The following BRIP1 variants were observed in gnomAD, a reference collection of about 807,000 sequenced individuals.
BRIP1 encodes the protein BRCA1 interacting DNA helicase 1.
BRIP1 carries 88 observed loss-of-function variants against 119.7 expected under a neutral mutation model. The observed-to-expected ratio is 0.74, with a 90% CI of 0.62 to 0.88. The LOEUF (loss-of-function observed/expected upper bound fraction) is 0.88, where lower values mean the gene tolerates loss of function less well. Ranked by LOEUF, BRIP1 falls within the 40% of genes least tolerant of loss-of-function variation. The probability of loss-of-function intolerance (pLI) is 0.00; values close to 1 mark genes in which losing one functional copy is unlikely to be tolerated. For synonymous variants in BRIP1, 443 were observed against 496.5 expected, an observed-to-expected ratio of 0.89 and a Z score of 1.43; for missense variants, 1,259 against 1,455.4, an observed-to-expected ratio of 0.87 and a Z score of 2.20.
At chr17:61,765,064 T>C (rs2077331531) in intron 14 of BRIP1, among the ~76,000 whole-genome samples, 1 of 151,726 alleles carries the variant, frequency 6.6e-6, no homozygotes, top group African/African-American at 2.4e-5. Flanking sequence ...CACCTCGAGA[T>C]GATGGAGCAA....
Position 61,690,660 on chromosome 17 carries a change from C to G in BRIP1, c.2575+2770G>C, listed in dbSNP as rs2061434226. Among the ~76,000 whole-genome samples, 1 of 152,158 alleles carries G rather than the reference C, an allele frequency of 6.6e-6. No homozygotes were observed. Among genetic ancestry groups the G allele is most frequent in the Non-Finnish European group, 1.5e-5 (1 of 68,022 alleles). ...GCAAGGATGTTCATTCTCACTACTT[C>G]TATTTAGCTTAGTACTAAGAATCCT... is the stretch of plus-strand genomic sequence containing the variant. On this transcript the variant is annotated intron_variant, in intron 18 of 19. Coordinates refer to ENST00000259008, the MANE Select transcript of BRIP1 (RefSeq NM_032043.3). The surrounding 1 kb of genome is among the most constrained non-coding windows in gnomAD (Gnocchi z 5.6).
chr17:61,797,936 A>G (rs1324339165), intron 9 of BRIP1, among the ~76,000 whole-genome samples: 2 of 152,062 alleles, frequency 1.3e-5, no homozygotes, highest in Non-Finnish European at 2.9e-5. Flanking sequence ...CATTGCTGGT[A>G]GAAGCATACA....
In BRIP1 at chr17:61,806,242, CTATT is replaced by C. The variant is rs1274619200; in HGVS notation, c.918+2221_918+2224del. ...CACTTCCATTCAAACTGTCAGTTAT[CTATT>C]TATCATTTCGCTTTGGTAATTCAGT... On this transcript the variant is annotated intron_variant, in intron 7 of 19. Coordinates refer to ENST00000259008, the MANE Select transcript of BRIP1 (RefSeq NM_032043.3). This position sits in a 1 kb window ranked among gnomAD's most constrained non-coding sequence, Gnocchi z 4.9. Among the ~76,000 whole-genome samples, 1 of 152,194 alleles carries C rather than the reference CTATT, an allele frequency of 6.6e-6. No homozygotes were observed. The highest frequency in any genetic ancestry group is 6.5e-5 in the Admixed American group (1 of 15,280).
In BRIP1 at chr17:61,725,379, G is replaced by A. The variant is rs756972291; in HGVS notation, c.2380-9316C>T. Among the ~76,000 whole-genome samples, 24 of 151,944 alleles carry A rather than the reference G, an allele frequency of 1.6e-4. No homozygotes were observed. The highest frequency in any genetic ancestry group is 1.6e-3 in the Admixed American group (24 of 15,252). On this transcript the variant is annotated intron_variant, in intron 16 of 19. Coordinates refer to ENST00000259008, the MANE Select transcript of BRIP1 (RefSeq NM_032043.3). The surrounding 1 kb of genome is among the most constrained non-coding windows in gnomAD (Gnocchi z 5.3). ...TGTTTTGGATAAGGTGCTTTTTTTG[G>A]TAGAGAAATCTATATTAAACTTAGT... is the stretch of plus-strand genomic sequence containing the variant.
chr17:61,696,653 C>T (rs975222336), intron 17 of BRIP1, among the ~76,000 whole-genome samples: 1 of 148,654 alleles, frequency 6.7e-6, no homozygotes, highest in Non-Finnish European at 1.5e-5. Flanking sequence ...CCACTGCATT[C>T]CAGCCTGAGT....
rs2145421198 is a variant in BRIP1, at chr17:61,808,699, G to A, written c.686C>T (p.Ser229Leu). ...ATGATCCTTCTTAATGGTATTCGAT[G>A]ACTCTTGACTGTTTCCTTGTTTAGT... Reference protein sequence around the residue: ...CSTKQGNSQESSNTIKKDHTG... With the variant: ...CSTKQGNSQELSNTIKKDHTG... Residue 229 changes from serine (S) to leucine (L), a missense_variant, in exon 7 of 20, where the codon TCA (serine) becomes TTA (leucine). Physicochemically the swap from Ser to Leu is moderately radical, Grantham distance 145 (BLOSUM62 -2). Around this residue, in one of 3 missense-constraint regions of BRIP1, gnomAD observed 501 missense variants for 544.0 expected, o/e 0.92. Coordinates refer to ENST00000259008, the MANE Select transcript of BRIP1 (RefSeq NM_032043.3). The surrounding 1 kb of genome is among the most constrained non-coding windows in gnomAD (Gnocchi z 4.1). 6.2e-7 allele frequency: 1 copy of A among 1,613,810 alleles called. No individual in the cohort carries two copies. Among genetic ancestry groups the A allele is most frequent in the Non-Finnish European group, 8.5e-7 (1 of 1,179,872 alleles).
At position 61,765,411 on chromosome 17, in the gene BRIP1, ATATATATATATATTTTTTTTTTTTTTTT is replaced by A. The variant is rs1567798997; in HGVS notation, c.2097+10962_2097+10989del. ...TATATATATATATATATATATATAT[ATATATATATATATTTTTTTTTTTTTTTT>A]TTTTTTTTTTTTTTGAGACAGAGTT... On this transcript the variant is annotated intron_variant, in intron 14 of 19. Transcript: ENST00000259008. Among the ~76,000 whole-genome samples, 29 of 14,234 alleles carry A rather than the reference ATATATATATATATTTTTTTTTTTTTTTT, an allele frequency of 2.0e-3. 1 individual carries two copies. The highest frequency in any genetic ancestry group is 9.3e-3 in the African/African-American group (27 of 2,914). 9.3% of individuals were successfully genotyped at this position (14,234 alleles called of 152,430 possible). A position where few individuals can be genotyped will look rare whatever the true frequency, so the allele number is the denominator to read the frequency against.
intron 14 of BRIP1, among the ~76,000 whole-genome samples, chr17:61,766,782 CGAA>C (rs994803149): frequency 6.6e-6 from 1 of 151,646 alleles, no homozygotes; most frequent in Non-Finnish European, 1.5e-5. Context: ...TTTTTTAAGT[CGAA>C]GTCTGTATTG....
At position 61,802,669 on chromosome 17, in the gene BRIP1, A is replaced by ATATG. The variant is rs2145355847; in HGVS notation, c.919-1196_919-1195insCATA. On this transcript the variant is annotated intron_variant, in intron 7 of 19. Transcript: ENST00000259008. This position sits in a 1 kb window ranked among gnomAD's most constrained non-coding sequence, Gnocchi z 6.0. Reference sequence around the variant, plus strand: ...TATGTACATTGAATTAATGTGCCATAGCTGATGAACCAGTTTTCTTATTAC... The same window carrying ATATG: ...TATGTACATTGAATTAATGTGCCATATATGGCTGATGAACCAGTTTTCTTATTAC... 6.6e-6 allele frequency among the ~76,000 whole-genome samples: 1 copy of ATATG among 152,328 alleles called. No homozygotes were observed. Among genetic ancestry groups the ATATG allele is most frequent in the South Asian group, 2.1e-4 (1 of 4,828 alleles).
intron 14 of BRIP1, among the ~76,000 whole-genome samples, chr17:61,765,576 C>T (rs1449353877): frequency 3.4e-5 from 5 of 148,772 alleles, no homozygotes; most frequent in African/African-American, 1.2e-4. Flanking sequence ...GCAGGGATTA[C>T]AGGCATGTGC....
At chr17:61,836,468 T>C (rs1374228427) in intron 6 of BRIP1, among the ~76,000 whole-genome samples, 1 of 152,174 alleles carries the variant, frequency 6.6e-6, no homozygotes, top group African/African-American at 2.4e-5. Context: ...AATACTGTCA[T>C]ACCCTCTTAG....
chr17:61,803,637 A>G lies in BRIP1; in HGVS notation c.919-2163T>C, dbSNP rs1364131076. Among the ~76,000 whole-genome samples, 1 of 152,120 alleles carries G rather than the reference A, an allele frequency of 6.6e-6. No homozygotes were observed. The highest frequency in any genetic ancestry group is 1.5e-5 in the Non-Finnish European group (1 of 68,010). ...GATCCTGTCTCAAAAAAAAATACTC[A>G]TTATGTGCATTAATAAAAAAATAAA... On this transcript the variant is annotated intron_variant, in intron 7 of 19. Coordinates refer to ENST00000259008, the MANE Select transcript of BRIP1 (RefSeq NM_032043.3). The surrounding 1 kb of genome is among the most constrained non-coding windows in gnomAD (Gnocchi z 4.3).
chr17:61,774,789 TAC>T lies in BRIP1; in HGVS notation c.2097+1610_2097+1611del, dbSNP rs971919893. 6.6e-6 allele frequency among the ~76,000 whole-genome samples: 1 copy of T among 152,180 alleles called. No individual in the cohort carries two copies. The highest frequency in any genetic ancestry group is 1.5e-5 in the Non-Finnish European group (1 of 68,028). ...AATCTATTCATTTTGCTAATATATA[TAC>T]AGTCACTAAAAAGTTATTTCAATGT... On this transcript the variant is annotated intron_variant, in intron 14 of 19. Coordinates refer to ENST00000259008, the MANE Select transcript of BRIP1 (RefSeq NM_032043.3). This position sits in a 1 kb window ranked among gnomAD's most constrained non-coding sequence, Gnocchi z 5.8.
rs188506922 is a variant in BRIP1, at chr17:61,758,919, G to A, written c.2098-14328C>T. ...ACCAGCTACTCAGGAGGCTGAGGTT[G>A]ATCCCTTCAACCCAGGAGTTCAAGG... On this transcript the variant is annotated intron_variant, in intron 14 of 19. Coordinates refer to ENST00000259008, the MANE Select transcript of BRIP1 (RefSeq NM_032043.3). The surrounding 1 kb of genome is among the most constrained non-coding windows in gnomAD (Gnocchi z 5.3). Among the ~76,000 whole-genome samples, 212 of 151,930 alleles carry A rather than the reference G, an allele frequency of 1.4e-3. No homozygotes were observed. The highest frequency in any genetic ancestry group is 4.9e-3 in the African/African-American group (203 of 41,412).
chr17:61,799,330 AT>A lies in BRIP1; in HGVS notation c.1141-32del, dbSNP rs776577561. ...AGATAAAAGAATTTTCTTGTAAAACATTTGGCAAAATAGATTTAACAACAGC... is the reference window on the plus strand; with the variant it reads ...AGATAAAAGAATTTTCTTGTAAAACATTGGCAAAATAGATTTAACAACAGC... On this transcript the variant is annotated intron_variant, in intron 8 of 19. Transcript: ENST00000259008. The surrounding 1 kb of genome is among the most constrained non-coding windows in gnomAD (Gnocchi z 5.1). 7.1e-6 allele frequency: 11 copies of A among 1,550,658 alleles called. No individual in the cohort carries two copies. The Admixed American group carries it at 1.0e-4, about 14-fold the overall frequency.
Position 61,780,981 on chromosome 17 carries a change from C to T in BRIP1, c.1653G>A (p.Ala551=), listed in dbSNP as rs750213758. 10 of 1,613,850 alleles carry T rather than the reference C, an allele frequency of 6.2e-6. No homozygotes were observed. The highest frequency in any genetic ancestry group is 1.1e-5 in the South Asian group (1 of 91,040). ...NSRFADDYKI[A]IQQTYSWTNQ... ...TTGTCCAGGAGTAAGTCTGTTGAAT[C>T]GCAATTTTATAATCATCTGCAAATC... The change falls in exon 12 of 20, where the codon GCG becomes GCA. Residue 551 remains alanine (A), a synonymous_variant. Coordinates refer to ENST00000259008, the MANE Select transcript of BRIP1 (RefSeq NM_032043.3). The surrounding 1 kb of genome is among the most constrained non-coding windows in gnomAD (Gnocchi z 5.4).
Position 61,793,754 on chromosome 17 carries a change from T to G in BRIP1, c.1341-25A>C. The G allele has an allele frequency of 6.2e-7, 1 of 1,601,452 alleles. No homozygotes were observed. The highest frequency in any genetic ancestry group is 2.2e-5 in the East Asian group (1 of 44,658). On this transcript the variant is annotated intron_variant, in intron 9 of 19. Coordinates refer to ENST00000259008, the MANE Select transcript of BRIP1 (RefSeq NM_032043.3). This position sits in a 1 kb window ranked among gnomAD's most constrained non-coding sequence, Gnocchi z 5.2. ...ACTGAAATAAAATAAAACAATTGTG[T>G]CAACCAGTATCATCCTTACACACAC...
At position 61,686,136 on chromosome 17, in the gene BRIP1, G is replaced by C. The variant is rs1060501766; in HGVS notation, c.2605C>G (p.Gln869Glu). ...GCACTTTCAAAGGTTGAATGGTGCT[G>C]AATCTGCTGCCGTACCCATTTAGAA... ...GLSKWVRQQI[Q>E]HHSTFESALE... The change falls in exon 19 of 20, where the codon CAG (glutamine) becomes GAG (glutamate). Residue 869 changes from glutamine (Q) to glutamate (E), a missense_variant. Gln to Glu is a conservative substitution (Grantham distance 29). Transcript: ENST00000259008. The surrounding 1 kb of genome is among the most constrained non-coding windows in gnomAD (Gnocchi z 5.4). The C allele has an allele frequency of 1.9e-6, 3 of 1,614,080 alleles. No individual in the cohort carries two copies. Among genetic ancestry groups the C allele is most frequent in the South Asian group, 1.1e-5 (1 of 91,068 alleles).
rs1363568922 is a variant in BRIP1, at chr17:61,685,817, T to C, written c.2905+19A>G. The C allele has an allele frequency of 6.4e-7, 1 of 1,573,156 alleles. No homozygotes were observed. The highest frequency in any genetic ancestry group is 8.7e-7 in the Non-Finnish European group (1 of 1,144,390). On this transcript the variant is annotated intron_variant, in intron 19 of 19. Transcript: ENST00000259008. Reference sequence around the variant, plus strand: ...GAAAGACTTCTCTATCAAAGGTAAATGGGAAGAACTTTTCATACTTTTCTC... The same window carrying C: ...GAAAGACTTCTCTATCAAAGGTAAACGGGAAGAACTTTTCATACTTTTCTC...
Sources: allele counts gnomAD v4.1 joint callset (sites outside exome capture counted in the v4.1 genomes callset), GRCh38; gene constraint gnomAD v4.1.1; regional missense constraint gnomAD v4.1.1; non-coding constraint Gnocchi (gnomAD v3.1); transcripts MANE v1.5; gene names NCBI Gene and HGNC (gene_info 2026-07-23, HGNC 2026-07-21).